Variants in KCTD1 observed in about 807,000 individuals in gnomAD.
KCTD1 encodes the protein BTB/POZ domain-containing protein KCTD1.
In KCTD1, 24 loss-of-function variants were observed where a neutral mutation model predicts 66.0. That is an observed-to-expected ratio of 0.36 (90% CI 0.26 to 0.51). The LOEUF is 0.51. KCTD1 is among the 20% of genes least tolerant of loss of function. The pLI, the probability that KCTD1 is intolerant of heterozygous loss-of-function variation, is 0.95. For missense variants in KCTD1, 943 were observed against 1,205.2 expected (o/e 0.78, Z 3.22); for synonymous variants, 511 against 517.2 (o/e 0.99, Z 0.16).
intron 1 of KCTD1, among the ~76,000 whole-genome samples, chr18:26,608,851 T>C (rs768261017): frequency 1.8e-4 from 28 of 152,252 alleles, no homozygotes; most frequent in Non-Finnish European, 2.9e-4. Context: ...AGCCAATTGC[T>C]TCTGATGTCA....
Position 26,546,867 on chromosome 18 carries a change from A to T in KCTD1, c.1670T>A (p.Ile557Asn). 1.3e-6 allele frequency: 2 copies of T among 1,503,240 alleles called. No individual in the cohort carries two copies. The highest frequency in any genetic ancestry group is 1.8e-6 in the Non-Finnish European group (2 of 1,125,810). The allele number at this position is 1,503,240 out of a possible 1,614,324, so 93.1% of individuals were successfully genotyped here. Reference protein sequence around the residue: ...CGPTSPKRLCIRPSEPVDAVV... With the variant: ...CGPTSPKRLCNRPSEPVDAVV... ...CGCATCCACAGGCTCCGAGGGGCGG[A>T]TACAAAGTCTTTTGGGGGAAGTGGG... is the stretch of plus-strand genomic sequence containing the variant. Residue 557 changes from isoleucine to asparagine, a missense_variant, in exon 1 of 5, where the codon ATC becomes AAC. Transcript: ENST00000580059.
chr18:26,515,258 G>A (rs769802089), intron 1 of KCTD1, among the ~76,000 whole-genome samples: 14 of 152,144 alleles, frequency 9.2e-5, no homozygotes, highest in Admixed American at 3.9e-4. Context: ...AAGACTTTAC[G>A]AACAATCATG....
rs989916611 is a variant in KCTD1 at position 26,562,538 on chromosome 18, A to G, written c.-15-61288T>C. On this transcript the variant is annotated intron_variant, in intron 1 of 4. Coordinates refer to the KCTD1 transcript ENST00000317932. Reference sequence around the variant, plus strand: ...CAGCCTCCCAAGGTGTTGGGATTACAGGCATGCGCCACTGCACCCGGCCTC... The same window carrying G: ...CAGCCTCCCAAGGTGTTGGGATTACGGGCATGCGCCACTGCACCCGGCCTC... Among the ~76,000 whole-genome samples the G allele has an allele frequency of 7.2e-5, 11 of 152,334 alleles. No individual in the cohort carries two copies. In the South Asian group the frequency reaches 2.1e-3, roughly 29 times the overall value.
At chr18:26,549,249 G>T, upstream of KCTD1, 1 of 986,430 alleles carries the variant, frequency 1.0e-6, no homozygotes, top group South Asian at 4.6e-5. Flanking sequence ...CCTACTTGCT[G>T]GCGGCGAGGC....
At chr18:26,561,808 G>A (rs1243617197) in intron 1 of KCTD1, among the ~76,000 whole-genome samples, 1 of 152,180 alleles carries the variant, frequency 6.6e-6, no homozygotes, top group Admixed American at 6.5e-5. Context: ...AGGAATCAGG[G>A]TCAGAGTAGT....
chr18:26,570,668 C>G (rs766249866), intron 1 of KCTD1, among the ~76,000 whole-genome samples: 1 of 152,228 alleles, frequency 6.6e-6, no homozygotes, highest in Non-Finnish European at 1.5e-5. Flanking sequence ...ACCTCAGCCT[C>G]CCAAAGTGCT....
intron 1 of KCTD1, among the ~76,000 whole-genome samples, chr18:26,509,415 CACTT>C (rs1567973586): frequency 6.6e-6 from 1 of 151,768 alleles, no homozygotes; most frequent in Non-Finnish European, 1.5e-5. Context: ...TTATTTTTGA[CACTT>C]AATTGTACAT....
intron 1 of KCTD1, among the ~76,000 whole-genome samples, chr18:26,597,953 C>G (rs1157522788): frequency 6.6e-6 from 1 of 152,152 alleles, no homozygotes; most frequent in African/African-American, 2.4e-5. Context: ...CGCACCTGGC[C>G]CTTGGCTTCT....
chr18:26,470,629 A>G (rs1981003758), intron 3 of KCTD1, among the ~76,000 whole-genome samples: 1 of 152,172 alleles, frequency 6.6e-6, no homozygotes, highest in East Asian at 1.9e-4. Context: ...CAAATCTCCT[A>G]TAGTGTAAGC....
chr18:26,631,051 ATC>A (rs1288226063), upstream of KCTD1, among the ~76,000 whole-genome samples: 2 of 152,186 alleles, frequency 1.3e-5, no homozygotes, highest in African/African-American at 2.4e-5. Flanking sequence ...AGACAATAGA[ATC>A]TCTCATTTTG....
At chr18:26,629,207 A>G in exon 1 of KCTD1, 1 of 985,444 alleles carries the variant, frequency 1.0e-6, no homozygotes, top group Non-Finnish European at 1.2e-6. Flanking sequence ...TGTGCAGTGC[A>G]GGCTTGAGGA....
intron 1 of KCTD1, among the ~76,000 whole-genome samples, chr18:26,582,156 T>C (rs925489550): frequency 1.4e-4 from 21 of 151,340 alleles, no homozygotes; most frequent in African/African-American, 5.1e-4. Flanking sequence ...GCCTGTGGTC[T>C]CAGCTTCTCT....
At chr18:26,535,901 C>G (rs1025481282) in intron 1 of KCTD1, among the ~76,000 whole-genome samples, 6 of 140,474 alleles carry the variant, frequency 4.3e-5, no homozygotes, top group Non-Finnish European at 6.0e-5. Flanking sequence ...ATTCACAGGA[C>G]TTATCAAACA....
intron 1 of KCTD1, among the ~76,000 whole-genome samples, chr18:26,618,107 C>CA (rs1491298349): frequency 2.0e-5 from 3 of 149,394 alleles, no homozygotes; most frequent in Non-Finnish European, 4.5e-5. Flanking sequence ...TAAAAAAAAA[C>CA]AAAAAAGACT....
intron 2 of KCTD1, among the ~76,000 whole-genome samples, chr18:26,493,272 T>A (rs1167390331): frequency 6.6e-6 from 1 of 152,202 alleles, no homozygotes; most frequent in African/African-American, 2.4e-5. Context: ...GCGATGTCTG[T>A]GGCTAGCAGA....
chr18:26,476,091 A>AAG lies in KCTD1; in HGVS notation c.2133+423_2133+424insCT, dbSNP rs1371742714. ...TTACCAGCACAATGTGGGCTATCTCAGCGTGACTAACCTTAACACTTATTA... is the reference window on the plus strand; with the variant it reads ...TTACCAGCACAATGTGGGCTATCTCAAGGCGTGACTAACCTTAACACTTATTA... On this transcript the variant is annotated intron_variant, in intron 3 of 4. Coordinates refer to ENST00000580059, the MANE Select transcript of KCTD1 (RefSeq NM_001142730.3). The surrounding 1 kb of genome is among the most constrained non-coding windows in gnomAD (Gnocchi z 4.9). Among the ~76,000 whole-genome samples, 2 of 152,186 alleles carry AAG rather than the reference A, an allele frequency of 1.3e-5. No homozygotes were observed. The highest frequency in any genetic ancestry group is 2.9e-5 in the Non-Finnish European group (2 of 68,030).
intron 1 of KCTD1, among the ~76,000 whole-genome samples, chr18:26,577,191 T>C (rs62085477): frequency 0.12 from 18,952 of 152,228 alleles, 1,282 homozygotes; most frequent in Admixed American, 0.17. Context: ...TTGTGGATGT[T>C]AGAACACCTA....
chr18:26,590,471 C>A (rs1234707507), intron 1 of KCTD1, among the ~76,000 whole-genome samples: 3 of 152,138 alleles, frequency 2.0e-5, no homozygotes, highest in African/African-American at 7.2e-5. Context: ...GCATCCTAAG[C>A]AAATTGTGAC....
intron 1 of KCTD1, among the ~76,000 whole-genome samples, chr18:26,567,811 T>C (rs1986018548): frequency 2.0e-5 from 3 of 152,168 alleles, no homozygotes. Context: ...AACCATCTAC[T>C]GTTACAGTAA....
Sources: gnomAD v4.1 joint callset for allele counts (sites outside exome capture counted in the v4.1 genomes callset) on GRCh38, gnomAD v4.1.1 for gene constraint, Gnocchi (gnomAD v3.1) non-coding constraint, MANE v1.5 for transcripts, NCBI Gene and HGNC (gene_info 2026-07-23, HGNC 2026-07-21) for gene names.